Variants in COL11A1 observed in about 807,000 individuals in gnomAD.
COL11A1 encodes the protein collagen type XI alpha 1 chain.
Under a neutral mutation model 265.2 loss-of-function variants are expected in COL11A1, and 74 were observed. The ratio of observed to expected loss-of-function variants is 0.28; its 90% CI spans 0.23 to 0.34. The LOEUF (loss-of-function observed/expected upper bound fraction) is 0.34, where lower values mean the gene tolerates loss of function less well. Ranked by LOEUF, COL11A1 falls within the 10% of genes least tolerant of loss-of-function variation. The pLI is 1.00. For missense variants in COL11A1, 2,165 were observed against 2,263.6 expected, an observed-to-expected ratio of 0.96 and a Z score of 0.88; for synonymous variants, 816 against 727.6, an observed-to-expected ratio of 1.12 and a Z score of -1.96.
chr1:102,995,581 A>G (rs1472000901), intron 28 of COL11A1, among the ~76,000 whole-genome samples: 3 of 151,798 alleles, frequency 2.0e-5, no homozygotes, highest in South Asian at 2.1e-4. Context: ...GGCCAACCCT[A>G]TGATTAACAA....
chr1:103,093,606 T>TA (rs1673502576), intron 1 of COL11A1, among the ~76,000 whole-genome samples: 1 of 152,164 alleles, frequency 6.6e-6, no homozygotes. Flanking sequence ...AGGGAAAAGA[T>TA]AAACAGGAAT....
chr1:103,003,884 T>A (rs1665358630), intron 20 of COL11A1, among the ~76,000 whole-genome samples: 1 of 152,144 alleles, frequency 6.6e-6, no homozygotes, highest in Non-Finnish European at 1.5e-5. Flanking sequence ...TCTCTCCCAT[T>A]TGCTTGAACT....
chr1:103,058,022 A>G (rs1327011643), intron 4 of COL11A1, among the ~76,000 whole-genome samples: 1 of 152,188 alleles, frequency 6.6e-6, no homozygotes, highest in Non-Finnish European at 1.5e-5. Flanking sequence ...GGAACATCTT[A>G]GATGGTATCT....
At chr1:102,878,227 T>G in intron 66 of COL11A1, 62 bp from the exon 67 acceptor site, 2 of 1,472,006 alleles carry the variant, frequency 1.4e-6, no homozygotes, top group Non-Finnish European at 1.9e-6. Context: ...ATGCATCTTA[T>G]TTTTTCTTGG....
intron 43 of COL11A1, among the ~76,000 whole-genome samples, chr1:102,939,661 C>G (rs1240943852): frequency 1.3e-5 from 2 of 151,610 alleles, no homozygotes; most frequent in Non-Finnish European, 2.9e-5. Context: ...CCCTGTTGCA[C>G]CACTGCACTC....
intron 1 of COL11A1, among the ~76,000 whole-genome samples, chr1:103,101,752 AAG>A (rs1252535622): frequency 5.3e-4 from 81 of 151,920 alleles, no homozygotes; most frequent in African/African-American, 1.9e-3. Context: ...AAAAAAAAAA[AAG>A]AAGATTTGAG....
At chr1:102,879,385 T>C (rs867909907) in intron 66 of COL11A1, among the ~76,000 whole-genome samples, 6 of 152,184 alleles carry the variant, frequency 3.9e-5, no homozygotes, top group Admixed American at 2.6e-4. Context: ...TATTTTCTTT[T>C]TCATTTTAGG....
At chr1:102,902,149 G>A (rs1260701083) in intron 54 of COL11A1, among the ~76,000 whole-genome samples, 1 of 152,122 alleles carries the variant, frequency 6.6e-6, no homozygotes, top group East Asian at 1.9e-4. Context: ...ATGCTTAAAG[G>A]AATAAGAATG....
chr1:102,912,958 T>C (rs1483398956), intron 53 of COL11A1, among the ~76,000 whole-genome samples: 1 of 152,204 alleles, frequency 6.6e-6, no homozygotes. Context: ...CTCTTTCCAT[T>C]ATAAATTACC....
chr1:102,988,991 A>G (rs1250350958), intron 29 of COL11A1, among the ~76,000 whole-genome samples: 3 of 152,100 alleles, frequency 2.0e-5, no homozygotes, highest in African/African-American at 7.2e-5. Context: ...AATCTTCCCA[A>G]TAAAGCATTT....
intron 28 of COL11A1, among the ~76,000 whole-genome samples, chr1:102,991,690 A>T (rs983163588): frequency 3.3e-5 from 5 of 152,190 alleles, no homozygotes; most frequent in Admixed American, 6.5e-5. Flanking sequence ...ATAAACATTT[A>T]CTAAATGCCT....
intron 8 of COL11A1, 145 bp downstream of exon 8, chr1:103,022,597 A>T (rs1667183236): frequency 1.2e-6 from 1 of 847,586 alleles, no homozygotes; most frequent in African/African-American, 1.7e-5. Context: ...GAATCTAACA[A>T]GGTGTCCTAG....
At chr1:102,905,227 G>GT (rs1457963212) in intron 54 of COL11A1, among the ~76,000 whole-genome samples, 1 of 105,954 alleles carries the variant, frequency 9.4e-6, no homozygotes, top group African/African-American at 3.7e-5. Flanking sequence ...CTGTTGTGGG[G>GT]TGGGGGGAGG....
chr1:102,888,787 T>C (rs1056202350), intron 60 of COL11A1, 29 bp from the exon 61 acceptor site: 9 of 1,613,748 alleles, frequency 5.6e-6, no homozygotes, highest in African/African-American at 4.0e-5. Context: ...AAAGCACAGA[T>C]AAAAATCTGG....
chr1:103,034,841 C>A (rs943460444), intron 4 of COL11A1, among the ~76,000 whole-genome samples: 1 of 151,874 alleles, frequency 6.6e-6, no homozygotes, highest in African/African-American at 2.4e-5. Context: ...AGATACTATC[C>A]TCCCCTTCCG....
At chr1:102,890,652 T>C (rs1341896639) in intron 57 of COL11A1, 148 bp from the exon 58 acceptor site, 1 of 578,624 alleles carries the variant, frequency 1.7e-6, no homozygotes, top group African/African-American at 1.9e-5. Flanking sequence ...TTAAGGCTTC[T>C]AAGTAAATTT....
At chr1:102,949,761 C>T (rs1388696956) in intron 41 of COL11A1, among the ~76,000 whole-genome samples, 3 of 152,028 alleles carry the variant, frequency 2.0e-5, no homozygotes, top group Non-Finnish European at 4.4e-5. Context: ...AACAAAATTT[C>T]CTTGACTCAT....
rs116299441 is a variant in COL11A1, at chr1:103,034,503, T to C, written c.652-3259A>G. ...CTAGTCAATTTTTCATTGTATGTTATACTTTTCAACTACAGTACTACAATT... is the reference window on the plus strand; with the variant it reads ...CTAGTCAATTTTTCATTGTATGTTACACTTTTCAACTACAGTACTACAATT... On this transcript the variant is annotated intron_variant, in intron 4 of 66. Coordinates refer to ENST00000370096, the MANE Select transcript of COL11A1 (RefSeq NM_001854.4). 5.6e-3 allele frequency among the ~76,000 whole-genome samples: 847 copies of C among 152,288 alleles called. 5 individuals carry two copies. Among genetic ancestry groups the C allele is most frequent in the South Asian group, 0.011 (51 of 4,830 alleles).
intron 37 of COL11A1, among the ~76,000 whole-genome samples, chr1:102,968,866 C>T (rs1002682028): frequency 2.0e-5 from 3 of 152,268 alleles, no homozygotes; most frequent in South Asian, 4.1e-4. Flanking sequence ...GAAGTGGAAG[C>T]TCCAGATTAA....
Sources: allele counts gnomAD v4.1 joint callset (sites outside exome capture counted in the v4.1 genomes callset), GRCh38; gene constraint gnomAD v4.1.1; transcripts MANE v1.5; gene names NCBI Gene and HGNC (gene_info 2026-07-23, HGNC 2026-07-21).